Variants in CACNA2D3 observed in about 807,000 individuals in gnomAD.
The protein encoded by CACNA2D3 is voltage-dependent calcium channel subunit alpha-2/delta-3.
A neutral mutation model predicts 160.6 loss-of-function variants in CACNA2D3; 60 were observed. The observed-to-expected ratio is 0.37, with a 90% CI of 0.30 to 0.46. The LOEUF (loss-of-function observed/expected upper bound fraction) is 0.46. CACNA2D3 is among the 20% of genes least tolerant of loss of function. The pLI is 1.00. For missense variants in CACNA2D3, 1,205 were observed against 1,365.0 expected, an observed-to-expected ratio of 0.88 and a Z score of 1.85; for synonymous variants, 558 against 492.9, an observed-to-expected ratio of 1.13 and a Z score of -1.75.
At chr3:54,570,688 G>C (rs893612204) in intron 8 of CACNA2D3, among the ~76,000 whole-genome samples, 45 of 151,960 alleles carry the variant, frequency 3.0e-4, no homozygotes, top group Admixed American at 5.9e-4. Context: ...TAGGAGGTAG[G>C]GGGTGGTTTG....
At chr3:55,065,665 G>A (rs1440820922) in intron 35 of CACNA2D3, among the ~76,000 whole-genome samples, 5 of 149,538 alleles carry the variant, frequency 3.3e-5, no homozygotes, top group East Asian at 2.0e-4. Context: ...AGACCATGTC[G>A]AAAGAAAGAA....
chr3:54,730,353 C>T (rs1375589123), intron 11 of CACNA2D3, among the ~76,000 whole-genome samples: 1 of 152,186 alleles, frequency 6.6e-6, no homozygotes, highest in East Asian at 1.9e-4. Context: ...ACCACTGGGC[C>T]TTACTTCTGC....
At chr3:54,273,055 C>T (rs9825336) in intron 2 of CACNA2D3, 42,179 of 152,302 alleles carry the variant, frequency 0.28, 6,364 homozygotes, top group East Asian at 0.42. Context: ...GATTGTCACT[C>T]GGCTCCAGCT....
chr3:54,754,111 GTTAA>G (rs1701925097), intron 12 of CACNA2D3, among the ~76,000 whole-genome samples: 1 of 152,174 alleles, frequency 6.6e-6, no homozygotes, highest in Admixed American at 6.5e-5. Flanking sequence ...TATTCATAAG[GTTAA>G]TTGATTACCA....
At chr3:54,951,840 C>G (rs1701765222) in intron 27 of CACNA2D3, among the ~76,000 whole-genome samples, 1 of 152,158 alleles carries the variant, frequency 6.6e-6, no homozygotes, top group Admixed American at 6.5e-5. Context: ...TTAGGACCAG[C>G]CATGCTTGTT....
At chr3:54,444,021 C>T (rs942122907) in intron 4 of CACNA2D3, among the ~76,000 whole-genome samples, 1 of 152,266 alleles carries the variant, frequency 6.6e-6, no homozygotes, top group Middle Eastern at 3.4e-3. Context: ...GCCACTATAT[C>T]CCAGCAAGGC....
At chr3:54,655,309 C>G (rs1699857787) in intron 11 of CACNA2D3, among the ~76,000 whole-genome samples, 1 of 152,184 alleles carries the variant, frequency 6.6e-6, no homozygotes, top group Non-Finnish European at 1.5e-5. Flanking sequence ...GCTAATTATA[C>G]ATATCTGGCA....
At chr3:54,440,134 A>G (rs935254894) in intron 4 of CACNA2D3, among the ~76,000 whole-genome samples, 1 of 152,030 alleles carries the variant, frequency 6.6e-6, no homozygotes, top group African/African-American at 2.4e-5. Flanking sequence ...TCTCCTCTCT[A>G]GTAAAGGAGG....
chr3:54,579,178 TAAG>T (rs1702635002), intron 8 of CACNA2D3, among the ~76,000 whole-genome samples: 1 of 152,114 alleles, frequency 6.6e-6, no homozygotes, highest in South Asian at 2.1e-4. Flanking sequence ...GAACCTCAGT[TAAG>T]AAAGTTTTGG....
chr3:54,821,641 G>GTTCTTTCTT (rs1703595349), intron 14 of CACNA2D3, among the ~76,000 whole-genome samples: 1 of 107,830 alleles, frequency 9.3e-6, no homozygotes, highest in African/African-American at 3.9e-5. Context: ...AGAGTCTTTC[G>GTTCTTTCTT]TTCTTTCTTT....
intron 4 of CACNA2D3, among the ~76,000 whole-genome samples, chr3:54,418,700 C>T (rs1699794730): frequency 6.6e-6 from 1 of 152,084 alleles, no homozygotes; most frequent in South Asian, 2.1e-4. Context: ...TTCTTACATG[C>T]CTAGTTTGTA....
At chr3:54,277,478 T>C (rs767647959) in intron 2 of CACNA2D3, among the ~76,000 whole-genome samples, 7 of 152,176 alleles carry the variant, frequency 4.6e-5, no homozygotes, top group Admixed American at 1.3e-4. Context: ...TTCTGTTCCA[T>C]TGGTCTATAT....
At chr3:54,251,105 C>T (rs957512763) in intron 2 of CACNA2D3, among the ~76,000 whole-genome samples, 1 of 152,106 alleles carries the variant, frequency 6.6e-6, no homozygotes, top group African/African-American at 2.4e-5. Flanking sequence ...ATGTAAGTGA[C>T]TTAGGCAGGG....
intron 3 of CACNA2D3, among the ~76,000 whole-genome samples, chr3:54,346,987 A>G (rs143692949): frequency 2.6e-5 from 4 of 152,376 alleles, no homozygotes; most frequent in East Asian, 3.9e-4. Context: ...TAAAATGTAC[A>G]TGCATTTATA....
intron 5 of CACNA2D3, among the ~76,000 whole-genome samples, chr3:54,560,139 T>C (rs1265558443): frequency 6.6e-6 from 1 of 152,238 alleles, no homozygotes; most frequent in African/African-American, 2.4e-5. Context: ...TTTCTGTCTT[T>C]AGGTCTTTGA....
intron 5 of CACNA2D3, among the ~76,000 whole-genome samples, chr3:54,506,137 C>T (rs1269752668): frequency 1.3e-5 from 2 of 152,168 alleles, no homozygotes; most frequent in Admixed American, 1.3e-4. Flanking sequence ...TTCCTGTCTC[C>T]ACTCTACCTA....
At position 54,742,019 on chromosome 3, in the gene CACNA2D3, A is replaced by G. The variant is rs546467512; in HGVS notation, c.1168-10580A>G. ...GTAGCTAGGACTACAGGCGAGTACCACCACACTTGGCTAATTTTTATATTT... is the reference window on the plus strand; with the variant it reads ...GTAGCTAGGACTACAGGCGAGTACCGCCACACTTGGCTAATTTTTATATTT... On this transcript the variant is annotated intron_variant, in intron 11 of 37. Transcript: ENST00000474759. 3.3e-5 allele frequency among the ~76,000 whole-genome samples: 5 copies of G among 152,144 alleles called. No homozygotes were observed. In the South Asian group the frequency reaches 1.0e-3, roughly 32 times the overall value.
intron 2 of CACNA2D3, among the ~76,000 whole-genome samples, chr3:54,270,284 T>C (rs1206768366): frequency 1.3e-5 from 2 of 152,270 alleles, no homozygotes; most frequent in African/African-American, 4.8e-5. Context: ...GATTTAGCTT[T>C]GGCTATTGTT....
intron 2 of CACNA2D3, among the ~76,000 whole-genome samples, chr3:54,209,690 T>C (rs1379485691): frequency 6.6e-6 from 1 of 152,236 alleles, no homozygotes; most frequent in Non-Finnish European, 1.5e-5. Context: ...TTTTCAAACC[T>C]GGACTCAAGC....
Sources: gnomAD v4.1 joint callset for allele counts (sites outside exome capture counted in the v4.1 genomes callset) on GRCh38, gnomAD v4.1.1 for gene constraint, MANE v1.5 for transcripts, NCBI Gene and HGNC (gene_info 2026-07-23, HGNC 2026-07-21) for gene names.